Variants in LRRC36 observed in about 807,000 individuals in gnomAD.
The protein encoded by LRRC36 is leucine-rich repeat-containing protein 36.
A neutral mutation model predicts 81.1 loss-of-function variants in LRRC36; 62 were observed. The observed-to-expected ratio is 0.76, with a 90% confidence interval of 0.62 to 0.94. The LOEUF is 0.94. Among genes scored for constraint, LRRC36 ranks in the 40% least tolerant of loss-of-function variants. The pLI is 0.00. For synonymous variants in LRRC36, 334 were observed against 348.6 expected (o/e 0.96, Z 0.47); for missense variants, 761 against 881.7 (o/e 0.86, Z 1.73).
chr16:67,369,003 G>A (rs1374794026), intron 8 of LRRC36, among the ~76,000 whole-genome samples: 1 of 152,216 alleles, frequency 6.6e-6, no homozygotes, highest in Non-Finnish European at 1.5e-5. Context: ...AATATCAAGA[G>A]TTGGGTTTTG....
intron 9 of LRRC36, among the ~76,000 whole-genome samples, chr16:67,372,370 AT>A (rs1243387681): frequency 2.0e-4 from 31 of 152,014 alleles, no homozygotes; most frequent in Admixed American, 1.9e-3. Flanking sequence ...AAAAAAAAAA[AT>A]AAAATAAAAT....
Position 67,363,713 on chromosome 16 carries a change from A to T in LRRC36, c.701A>T (p.Gln234Leu). The change falls in exon 6 of 14, where the codon CAG becomes CTG. Residue 234 changes from glutamine to leucine, a missense_variant and splice_region_variant. This residue lies in a region of LRRC36 where 263 missense variants were observed against 279.3 expected (regional missense o/e 0.94). Transcript: ENST00000329956. ...TTAGACACCTTCCCACTGGGGACAC[A>T]GGTAATGTATTCACTCTCCTGCTGA... ...QKLDTFPLGT[Q>L]TQEVARREMP... 1 of 1,613,546 alleles carries T rather than the reference A, an allele frequency of 6.2e-7. No homozygotes were observed. Among genetic ancestry groups the T allele is most frequent in the East Asian group, 2.2e-5 (1 of 44,874 alleles).
chr16:67,376,357 G>A (rs547338988), intron 10 of LRRC36, among the ~76,000 whole-genome samples: 15 of 152,150 alleles, frequency 9.9e-5, no homozygotes, highest in Middle Eastern at 3.4e-3. Context: ...AAACTTAAAC[G>A]TTGTTTGGGG....
intron 5 of LRRC36, 77 bp from the exon 6 acceptor site, chr16:67,363,513 G>C (rs1280030005): frequency 6.1e-6 from 9 of 1,471,826 alleles, no homozygotes; most frequent in African/African-American, 1.4e-5. Context: ...TTTCCTTTTA[G>C]TATCTATCCA....
chr16:67,369,777 G>A (rs918448517), intron 8 of LRRC36, among the ~76,000 whole-genome samples: 4 of 152,230 alleles, frequency 2.6e-5, no homozygotes, highest in East Asian at 3.9e-4. Flanking sequence ...ATCAGATCTC[G>A]TGAGACTTAC....
chr16:67,384,824 T>C (rs375150160), intron 13 of LRRC36, 46 bp from the exon 14 acceptor site: 13 of 1,512,636 alleles, frequency 8.6e-6, no homozygotes, highest in African/African-American at 8.2e-5. Context: ...ATGGTATCTC[T>C]CTTGCTTTTA....
intron 1 of LRRC36, among the ~76,000 whole-genome samples, chr16:67,341,633 A>G (rs1248524598): frequency 6.6e-6 from 1 of 151,972 alleles, no homozygotes; most frequent in Non-Finnish European, 1.5e-5. Flanking sequence ...ATAACCTGCC[A>G]AAATTTTGTG....
intron 8 of LRRC36, among the ~76,000 whole-genome samples, chr16:67,368,037 C>T (rs1283841450): frequency 6.6e-6 from 1 of 152,138 alleles, no homozygotes; most frequent in East Asian, 1.9e-4. Flanking sequence ...CCATGGGCAA[C>T]AGAGCAAGAC....
chr16:67,329,924 A>G (rs2037399490), intron 1 of LRRC36, among the ~76,000 whole-genome samples: 1 of 152,176 alleles, frequency 6.6e-6, no homozygotes, highest in Non-Finnish European at 1.5e-5. Context: ...TCTAAAAAAT[A>G]AAATAAAATA....
chr16:67,366,139 TTCTC>T (rs200957970), intron 7 of LRRC36, among the ~76,000 whole-genome samples: 4,048 of 151,236 alleles, frequency 0.027, 93 homozygotes, highest in South Asian at 0.063. Context: ...TCCCACTTCC[TTCTC>T]TCTTTTTTTT....
Position 67,367,053 on chromosome 16 carries a change from G to A in LRRC36, c.791G>A (p.Arg264Gln), listed in dbSNP as rs374466499. ...RHYSPRQSTV[R>Q]SPEKMTREGY... ...TACTCGCCTCGTCAGTCCACAGTCC[G>A]ATCCCCAGAGAAGATGACTAGAGAA... is the stretch of plus-strand genomic sequence containing the variant. The change falls in exon 8 of 14, where the codon CGA becomes CAA. Residue 264 changes from arginine to glutamine, a missense_variant. Physicochemically the swap from Arg to Gln is conservative, Grantham distance 43. This residue lies in a region of LRRC36 where 139 missense variants were observed against 214.0 expected (regional missense o/e 0.65). Coordinates refer to ENST00000329956, the MANE Select transcript of LRRC36 (RefSeq NM_018296.6). The A allele has an allele frequency of 3.7e-6, 6 of 1,613,556 alleles. No homozygotes were observed. The highest frequency in any genetic ancestry group is 1.6e-4 in the Middle Eastern group (1 of 6,082).
intron 7 of LRRC36, among the ~76,000 whole-genome samples, chr16:67,366,749 C>CA (rs113366890): frequency 0.2 from 27,166 of 137,822 alleles, 5,920 homozygotes; most frequent in African/African-American, 0.54. Context: ...GACCCTGTCT[C>CA]AAAAAAAAAA....
intron 4 of LRRC36, chr16:67,348,621 C>T (rs1026334053): frequency 6.6e-6 from 1 of 152,094 alleles, no homozygotes; most frequent in Admixed American, 6.5e-5. Flanking sequence ...CACTGCCTAG[C>T]TCACCATTTT....
chr16:67,338,720 A>G (rs1255872238), intron 1 of LRRC36, among the ~76,000 whole-genome samples: 1 of 151,772 alleles, frequency 6.6e-6, no homozygotes, highest in African/African-American at 2.4e-5. Context: ...AATATTGACA[A>G]ATTTCATTAT....
chr16:67,368,615 G>A (rs1337318841), intron 8 of LRRC36, among the ~76,000 whole-genome samples: 1 of 152,202 alleles, frequency 6.6e-6, no homozygotes, highest in Non-Finnish European at 1.5e-5. Flanking sequence ...ACTTTTTTCT[G>A]GGTGAGATCA....
intron 11 of LRRC36, 105 bp downstream of exon 11, chr16:67,376,977 A>G: frequency 1.6e-6 from 2 of 1,259,164 alleles, no homozygotes; most frequent in Non-Finnish European, 2.1e-6. Context: ...AAATATGGCA[A>G]AAGTCTGGGC....
intron 5 of LRRC36, among the ~76,000 whole-genome samples, chr16:67,357,049 G>T (rs1302835341): frequency 6.6e-6 from 1 of 152,224 alleles, no homozygotes; most frequent in Non-Finnish European, 1.5e-5. Flanking sequence ...TAGTTAGTGG[G>T]AGGTAATGAG....
At chr16:67,378,836 T>C in intron 12 of LRRC36, 124 bp downstream of exon 12, 1 of 1,030,242 alleles carries the variant, frequency 9.7e-7, no homozygotes, top group Non-Finnish European at 1.4e-6. Flanking sequence ...TGGTCATCAG[T>C]TTTCCTGGCA....
chr16:67,343,681 T>TGAGA (rs1306527876), intron 2 of LRRC36, among the ~76,000 whole-genome samples: 3 of 141,714 alleles, frequency 2.1e-5, no homozygotes, highest in Middle Eastern at 3.9e-3. Flanking sequence ...GGCAAAAGAG[T>TGAGA]GAGACCATCT....
Sources: allele counts gnomAD v4.1 joint callset (sites outside exome capture counted in the v4.1 genomes callset), GRCh38; gene constraint gnomAD v4.1.1; regional missense constraint gnomAD v4.1.1; transcripts MANE v1.5; gene names NCBI Gene and HGNC (gene_info 2026-07-23, HGNC 2026-07-21).